TBC1D1: variants seen among roughly 807,000 people sequenced by gnomAD.
TBC1D1 encodes the protein TBC1 domain family member 1.
TBC1D1 carries 89 observed loss-of-function variants against 125.6 expected under a neutral mutation model. That is an observed-to-expected ratio of 0.71 (90% CI 0.60 to 0.85). The LOEUF is 0.85. Among genes scored for constraint, TBC1D1 ranks in the 40% least tolerant of loss-of-function variants. The pLI, the probability that TBC1D1 is intolerant of heterozygous loss-of-function variation, is 0.00. For missense variants in TBC1D1, 1,377 were observed against 1,469.2 expected (o/e 0.94, Z 1.03); for synonymous variants, 565 against 564.1 (o/e 1.00, Z -0.02).
At chr4:37,898,892 T>C (rs1715219806) in intron 1 of TBC1D1, among the ~76,000 whole-genome samples, 1 of 152,146 alleles carries the variant, frequency 6.6e-6, no homozygotes, top group Non-Finnish European at 1.5e-5. Context: ...GAACCATAAC[T>C]AGTTCTCTAT....
In TBC1D1 at chr4:37,891,089, CTT is replaced by C; in HGVS notation, c.-352_-351del. The C allele has an allele frequency of 1.2e-5, 2 of 162,800 alleles. No homozygotes were observed. The highest frequency in any genetic ancestry group is 2.6e-5 in the Non-Finnish European group (2 of 76,272). The allele number at this position is 162,800 out of a possible 1,614,324, so 10.1% of individuals were successfully genotyped here. ...TCTTCCTCCTCCTCCTCCTCCTCCT[CTT>C]CGGCTGCTGCTCCTGGTGCCGCCAC... On this transcript the variant is annotated 5_prime_UTR_variant, in exon 1 of 20. Transcript: ENST00000261439.
intron 2 of TBC1D1, 36 bp downstream of exon 2, chr4:37,902,548 G>C (rs761231651): frequency 6.5e-7 from 1 of 1,527,064 alleles, no homozygotes; most frequent in Non-Finnish European, 8.8e-7. Context: ...CTAAGGTGTG[G>C]CTGGCTGGTT....
chr4:38,089,307 G>T (rs1758045919), intron 12 of TBC1D1, among the ~76,000 whole-genome samples: 1 of 152,222 alleles, frequency 6.6e-6, no homozygotes, highest in Non-Finnish European at 1.5e-5. Flanking sequence ...CCCAGCACGT[G>T]GTAGAAGGTC....
Position 38,118,234 on chromosome 4 carries a change from T to G in TBC1D1, c.2962+42T>G, listed in dbSNP as rs375567491. On this transcript the variant is annotated intron_variant, in intron 17 of 19. Coordinates refer to ENST00000261439, the MANE Select transcript of TBC1D1 (RefSeq NM_015173.4). ...CTGTTTGCCAGAACCAGCCTTCTCTTATTAGAGGGGAAACATTTCCTGTCT... is the reference window on the plus strand; with the variant it reads ...CTGTTTGCCAGAACCAGCCTTCTCTGATTAGAGGGGAAACATTTCCTGTCT... The G allele has an allele frequency of 6.9e-6, 11 of 1,604,316 alleles. No homozygotes were observed. In the African/African-American group the frequency reaches 1.3e-4, roughly 20 times the overall value.
intron 2 of TBC1D1, among the ~76,000 whole-genome samples, chr4:37,980,907 A>G (rs1325106505): frequency 6.6e-6 from 1 of 151,978 alleles, no homozygotes; most frequent in Non-Finnish European, 1.5e-5. Flanking sequence ...CACCCTGGAG[A>G]TTTGTAAATT....
chr4:37,896,367 G>A (rs1404473868), intron 1 of TBC1D1, among the ~76,000 whole-genome samples: 3 of 152,156 alleles, frequency 2.0e-5, no homozygotes, highest in African/African-American at 7.2e-5. Flanking sequence ...CCAATAAGCA[G>A]CTTACTAATA....
intron 7 of TBC1D1, among the ~76,000 whole-genome samples, chr4:38,034,664 G>A (rs1746858519): frequency 6.6e-6 from 1 of 152,142 alleles, no homozygotes; most frequent in Non-Finnish European, 1.5e-5. Flanking sequence ...CACTGAATTT[G>A]TTTTAAAGAA....
intron 12 of TBC1D1, among the ~76,000 whole-genome samples, chr4:38,056,349 C>G (rs1257490192): frequency 1.3e-5 from 2 of 152,226 alleles, no homozygotes; most frequent in Non-Finnish European, 2.9e-5. Context: ...TTGGTGTTCA[C>G]TTGGCCTCTG....
At chr4:38,074,198 C>A (rs528478669) in intron 12 of TBC1D1, among the ~76,000 whole-genome samples, 3 of 152,272 alleles carry the variant, frequency 2.0e-5, no homozygotes, top group Admixed American at 1.3e-4. Context: ...ACAGCAAAAA[C>A]CTCTAACCAA....
intron 4 of TBC1D1, among the ~76,000 whole-genome samples, chr4:38,018,660 G>A (rs1743335903): frequency 2.0e-5 from 3 of 152,028 alleles, no homozygotes; most frequent in African/African-American, 7.2e-5. Context: ...AACAGTAATG[G>A]ACAAAATAGA....
At chr4:37,903,988 G>A (rs896081021) in intron 2 of TBC1D1, among the ~76,000 whole-genome samples, 4 of 152,090 alleles carry the variant, frequency 2.6e-5, no homozygotes, top group Admixed American at 6.5e-5. Context: ...AAGTGGGCAC[G>A]GCAGCATCAG....
At chr4:37,944,562 C>T (rs756436004) in intron 2 of TBC1D1, among the ~76,000 whole-genome samples, 7 of 152,216 alleles carry the variant, frequency 4.6e-5, no homozygotes, top group Admixed American at 2.0e-4. Context: ...GCCTCACTGC[C>T]GCCTTGCAGT....
Position 38,056,841 on chromosome 4 carries a change from GT to G in TBC1D1, c.2050+2510del, listed in dbSNP as rs552553290. Among the ~76,000 whole-genome samples the G allele has an allele frequency of 2.3e-3, 343 of 152,210 alleles. 1 individual carries two copies. Among genetic ancestry groups the G allele is most frequent in the Non-Finnish European group, 3.7e-3 (252 of 67,998 alleles). ...GGGGAGTCATGTCTATACTTGAGAA[GT>G]TTTTTTCCCTCGCATAGTTTGTACC... On this transcript the variant is annotated intron_variant, in intron 12 of 19. Transcript: ENST00000261439.
chr4:37,907,263 T>G (rs1022003560), intron 2 of TBC1D1, among the ~76,000 whole-genome samples: 1 of 152,264 alleles, frequency 6.6e-6, no homozygotes, highest in Non-Finnish European at 1.5e-5. Flanking sequence ...GTGGATCTTT[T>G]TATTTAATGC....
chr4:37,920,867 T>C (rs1212110122), intron 2 of TBC1D1, among the ~76,000 whole-genome samples: 1 of 151,796 alleles, frequency 6.6e-6, no homozygotes, highest in Non-Finnish European at 1.5e-5. Context: ...TCCCAGCACT[T>C]TGGGAGGCCG....
intron 6 of TBC1D1, among the ~76,000 whole-genome samples, chr4:38,023,272 A>G (rs1341707594): frequency 1.3e-5 from 2 of 151,906 alleles, no homozygotes; most frequent in Non-Finnish European, 2.9e-5. Flanking sequence ...AATATTTATT[A>G]TAAGCTATAA....
intron 6 of TBC1D1, among the ~76,000 whole-genome samples, chr4:38,024,303 G>T (rs1251564136): frequency 6.6e-6 from 1 of 152,200 alleles, no homozygotes; most frequent in African/African-American, 2.4e-5. Flanking sequence ...AATGATGATA[G>T]AAATGCCCCT....
chr4:38,063,639 T>A lies in TBC1D1; in HGVS notation c.2050+9301T>A, dbSNP rs550446930. On this transcript the variant is annotated intron_variant, in intron 12 of 19. Transcript: ENST00000261439. Reference sequence around the variant, plus strand: ...CCACAGTCTAATTTTTTTTATTTTTTATTTTTTGAGACGGAGTATTGCTCT... The same window carrying A: ...CCACAGTCTAATTTTTTTTATTTTTAATTTTTTGAGACGGAGTATTGCTCT... Among the ~76,000 whole-genome samples, 245 of 151,094 alleles carry A rather than the reference T, an allele frequency of 1.6e-3. 3 individuals carry two copies. The highest frequency in any genetic ancestry group is 1.7e-3 in the African/African-American group (70 of 41,194).
chr4:38,049,445 G>T (rs909424254), intron 10 of TBC1D1, among the ~76,000 whole-genome samples, 173 bp from the exon 11 acceptor site: 2 of 152,196 alleles, frequency 1.3e-5, no homozygotes, highest in Admixed American at 6.5e-5. Context: ...TGAGGAGCGG[G>T]CATTTATTTA....
Sources: allele counts gnomAD v4.1 joint callset (sites outside exome capture counted in the v4.1 genomes callset), GRCh38; gene constraint gnomAD v4.1.1; transcripts MANE v1.5; gene names NCBI Gene and HGNC (gene_info 2026-07-23, HGNC 2026-07-21).